DNAH6: variants seen among roughly 807,000 people sequenced by gnomAD.
DNAH6 encodes axonemal beta dynein heavy chain 6.
Under a neutral mutation model 491.4 loss-of-function variants are expected in DNAH6, and 340 were observed. The observed-to-expected ratio is 0.69, with a 90% CI of 0.63 to 0.76. The LOEUF is 0.76. DNAH6 is among the 30% of genes least tolerant of loss of function. The pLI is 0.00. For synonymous variants in DNAH6, 1,603 were observed against 1,686.1 expected (o/e 0.95, Z 1.21); for missense variants, 4,443 against 4,972.2 (o/e 0.89, Z 3.20).
chr2:84,474,303 C>T, the DNAH6 span, among the ~76,000 whole-genome samples: 3 of 152,090 alleles, frequency 2.0e-5, no homozygotes, highest in Non-Finnish European at 4.4e-5. Flanking sequence ...TCTATATGAC[C>T]CTTTTGCAAT....
chr2:84,665,245 G>A (rs370157041), intron 37 of DNAH6, among the ~76,000 whole-genome samples: 1 of 152,174 alleles, frequency 6.6e-6, no homozygotes, highest in Admixed American at 6.5e-5. Flanking sequence ...AAATAACTAA[G>A]ATCAGAGCAG....
chr2:84,672,563 C>A (rs1035687858), intron 40 of DNAH6, 79 bp downstream of exon 40: 36 of 1,314,824 alleles, frequency 2.7e-5, no homozygotes, highest in Non-Finnish European at 3.6e-5. Flanking sequence ...GTGAGACTAC[C>A]ATAACAAAGT....
At position 84,769,757 on chromosome 2, in the gene DNAH6, G is replaced by A. The variant is rs190398082; in HGVS notation, c.10703+6812G>A. 1.3e-4 allele frequency among the ~76,000 whole-genome samples: 20 copies of A among 152,272 alleles called. No individual in the cohort carries two copies. The East Asian group carries it at 1.5e-3, about 12-fold the overall frequency. Reference sequence around the variant, plus strand: ...AGGCAAATATATGAGCCACTGCCTCGTGGCCCAAGGGATAACAGTTGAGGC... The same window carrying A: ...AGGCAAATATATGAGCCACTGCCTCATGGCCCAAGGGATAACAGTTGAGGC... On this transcript the variant is annotated intron_variant, in intron 64 of 76. Transcript: ENST00000389394.
intron 33 of DNAH6, among the ~76,000 whole-genome samples, chr2:84,644,267 C>T (rs1689691384): frequency 6.6e-6 from 1 of 152,238 alleles, no homozygotes; most frequent in Non-Finnish European, 1.5e-5. Flanking sequence ...ATCTGTTAAG[C>T]TCTGACAAAA....
At position 84,752,615 on chromosome 2, in the gene DNAH6, G is replaced by C. The variant is rs374400969; in HGVS notation, c.10512+7366G>C. 1.1e-4 allele frequency among the ~76,000 whole-genome samples: 17 copies of C among 151,654 alleles called. No individual in the cohort carries two copies. In the East Asian group the frequency reaches 3.3e-3, roughly 29 times the overall value. The stretch of plus-strand genomic sequence containing the variant: ...CCATACCCATAGCCGTCATCCCCCA[G>C]TGCCATCATCACCAACACTAGTCTA... On this transcript the variant is annotated intron_variant, in intron 63 of 76. Coordinates refer to ENST00000389394, the MANE Select transcript of DNAH6 (RefSeq NM_001370.2).
intron 4 of DNAH6, among the ~76,000 whole-genome samples, chr2:84,541,236 C>T (rs553162445): frequency 3.3e-5 from 5 of 152,180 alleles, no homozygotes; most frequent in African/African-American, 9.6e-5. Flanking sequence ...ACACACCAGT[C>T]CAAGGAGTAG....
At chr2:84,740,716 C>A (rs1672448042) in intron 62 of DNAH6, among the ~76,000 whole-genome samples, 1 of 152,148 alleles carries the variant, frequency 6.6e-6, no homozygotes, top group Non-Finnish European at 1.5e-5. Context: ...GGCTGGGACA[C>A]CCCGTTATGA....
At chr2:84,493,996 C>A in the DNAH6 span, among the ~76,000 whole-genome samples, 1 of 152,150 alleles carries the variant, frequency 6.6e-6, no homozygotes, top group Non-Finnish European at 1.5e-5. Flanking sequence ...GAGTGGTTGT[C>A]ATTAGTTTGA....
chr2:84,620,299 A>G (rs548622301), intron 24 of DNAH6, among the ~76,000 whole-genome samples: 1 of 152,318 alleles, frequency 6.6e-6, no homozygotes, highest in South Asian at 2.1e-4. Context: ...TAATGGAATG[A>G]TGAGCTCGTT....
chr2:84,712,694 G>A (rs1344431094), intron 56 of DNAH6, among the ~76,000 whole-genome samples: 3 of 152,132 alleles, frequency 2.0e-5, no homozygotes, highest in African/African-American at 7.2e-5. Context: ...GGCTACATGG[G>A]GCCAGATTTG....
chr2:84,635,085 C>G (rs973827217), intron 30 of DNAH6, among the ~76,000 whole-genome samples: 1 of 152,108 alleles, frequency 6.6e-6, no homozygotes, highest in Admixed American at 6.6e-5. Flanking sequence ...GACGTCCTCT[C>G]GATTCAACAA....
intron 18 of DNAH6, among the ~76,000 whole-genome samples, chr2:84,601,068 A>AATAATAACGTTATT (rs1558778959): frequency 8.7e-5 from 13 of 148,846 alleles, no homozygotes; most frequent in African/African-American, 2.5e-4. Context: ...ATTATACTAT[A>AATAATAACGTTATT]AGGAATCCTT....
chr2:84,701,383 C>G (rs1428327045), intron 49 of DNAH6, 44 bp downstream of exon 49: 1 of 1,527,992 alleles, frequency 6.5e-7, no homozygotes, highest in Non-Finnish European at 8.8e-7. Flanking sequence ...TGCTTGAACT[C>G]AGAACTTTTG....
chr2:84,632,737 T>C (rs1006062083), intron 29 of DNAH6, among the ~76,000 whole-genome samples: 2 of 114,730 alleles, frequency 1.7e-5, no homozygotes. Context: ...ATATTATTAC[T>C]AATTTCCAGG....
Position 84,653,386 on chromosome 2 carries a change from A to T in DNAH6, c.5146A>T (p.Thr1716Ser). The change falls in exon 34 of 77, where the codon ACA (threonine) becomes TCA (serine). Residue 1716 changes from threonine to serine, a missense_variant. Thr to Ser is a moderately conservative substitution (Grantham distance 58, BLOSUM62 1). Coordinates refer to ENST00000389394, the MANE Select transcript of DNAH6 (RefSeq NM_001370.2). ...PEHDYGILQS[T>S]IVDVMNRQNL... ...ACATGATTATGGTATTTTACAATCA[A>T]CAATTGTGGATGTCATGAATAGACA... 1 of 1,550,802 alleles carries T rather than the reference A, an allele frequency of 6.4e-7. No individual in the cohort carries two copies. The highest frequency in any genetic ancestry group is 1.2e-5 in the South Asian group (1 of 83,996).
chr2:84,719,650 A>G (rs181797463), intron 59 of DNAH6, among the ~76,000 whole-genome samples: 9 of 151,994 alleles, frequency 5.9e-5, no homozygotes. Context: ...ATCTGGGACT[A>G]CAAATGCACG....
intron 60 of DNAH6, among the ~76,000 whole-genome samples, chr2:84,725,233 A>T (rs1356223958): frequency 6.6e-6 from 1 of 152,084 alleles, no homozygotes. Flanking sequence ...TGACAGCTTG[A>T]TTTTTCCTCT....
intron 5 of DNAH6, 149 bp downstream of exon 5, chr2:84,544,649 G>C: frequency 1.7e-6 from 1 of 586,160 alleles, no homozygotes; most frequent in Non-Finnish European, 2.9e-6. Context: ...TGTCATTTAG[G>C]AGTCTAGCAA....
At chr2:84,656,205 C>G (rs1304962765) in intron 35 of DNAH6, among the ~76,000 whole-genome samples, 1 of 152,138 alleles carries the variant, frequency 6.6e-6, no homozygotes, top group African/African-American at 2.4e-5. Context: ...AATTCACCTA[C>G]TGAAGGACAT....
Sources: allele counts gnomAD v4.1 joint callset (sites outside exome capture counted in the v4.1 genomes callset), GRCh38; gene constraint gnomAD v4.1.1; transcripts MANE v1.5; gene names NCBI Gene and HGNC (gene_info 2026-07-23, HGNC 2026-07-21).